RMST: variants seen among roughly 807,000 people sequenced by gnomAD.
The protein encoded by RMST is long intergenic non-protein coding RNA 54.
intron 11 of RMST, among the ~76,000 whole-genome samples, chr12:97,543,315 A>G (rs377464267): frequency 2.8e-4 from 42 of 152,004 alleles, no homozygotes; most frequent in African/African-American, 9.9e-4. Flanking sequence ...GCCATTCTGC[A>G]TTTCTCTACC....
intron 11 of RMST, among the ~76,000 whole-genome samples, chr12:97,545,212 A>G (rs1211885650): frequency 6.6e-6 from 1 of 152,098 alleles, no homozygotes; most frequent in Non-Finnish European, 1.5e-5. Context: ...AACAATCATC[A>G]TCACCATCAT....
intron 10 of RMST, among the ~76,000 whole-genome samples, chr12:97,528,657 G>A (rs953808955): frequency 1.3e-5 from 2 of 152,220 alleles, no homozygotes; most frequent in Admixed American, 6.5e-5. Context: ...AAAGATATAA[G>A]TTTGAATACA....
chr12:97,497,283 G>A (rs1046175542), intron 10 of RMST, among the ~76,000 whole-genome samples: 1 of 152,154 alleles, frequency 6.6e-6, no homozygotes, highest in Non-Finnish European at 1.5e-5. Context: ...CTTTTCAAGG[G>A]CTTGAGGTCC....
intron 5 of RMST, among the ~76,000 whole-genome samples, chr12:97,470,565 C>G (rs1341816548): frequency 3.3e-5 from 5 of 151,920 alleles, no homozygotes; most frequent in Non-Finnish European, 1.5e-5. Flanking sequence ...TTAGAGATAT[C>G]ATTAAGGAAT....
At chr12:97,502,679 G>C (rs546806880) in intron 10 of RMST, among the ~76,000 whole-genome samples, 3 of 152,158 alleles carry the variant, frequency 2.0e-5, no homozygotes, top group African/African-American at 4.8e-5. Context: ...GCCTAGGTTG[G>C]TTTCAAACTT....
At chr12:97,555,598 C>T (rs969496496) in intron 11 of RMST, among the ~76,000 whole-genome samples, 25 of 152,162 alleles carry the variant, frequency 1.6e-4, no homozygotes, top group African/African-American at 5.6e-4. Flanking sequence ...GGGCGAGATT[C>T]GGAATTGTTC....
At chr12:97,524,790 C>T (rs1478632560) in intron 10 of RMST, among the ~76,000 whole-genome samples, 1 of 152,142 alleles carries the variant, frequency 6.6e-6, no homozygotes, top group Non-Finnish European at 1.5e-5. Context: ...TAGGAAGAAA[C>T]TATGACACTT....
At chr12:97,486,400 A>G (rs1037992365) in intron 5 of RMST, among the ~76,000 whole-genome samples, 5 of 152,210 alleles carry the variant, frequency 3.3e-5, no homozygotes, top group African/African-American at 1.2e-4. Context: ...GGTGAGGGCC[A>G]TCTTTGAGGA....
chr12:97,476,423 C>T (rs936061898), intron 5 of RMST, among the ~76,000 whole-genome samples: 2 of 152,128 alleles, frequency 1.3e-5, no homozygotes, highest in East Asian at 1.9e-4. Flanking sequence ...AGCACAGTCC[C>T]TCTGGTTAAG....
At chr12:97,474,894 A>G (rs1239109766) in intron 5 of RMST, among the ~76,000 whole-genome samples, 1 of 152,172 alleles carries the variant, frequency 6.6e-6, no homozygotes, top group Non-Finnish European at 1.5e-5. Context: ...TACTATTAGG[A>G]GACGATACAC....
intron 11 of RMST, among the ~76,000 whole-genome samples, chr12:97,553,580 G>A (rs1254222228): frequency 6.6e-6 from 1 of 152,194 alleles, no homozygotes; most frequent in Non-Finnish European, 1.5e-5. Context: ...TTGTGGTCAT[G>A]CCTCAGTCTA....
chr12:97,555,471 G>A (rs999655413), intron 11 of RMST, among the ~76,000 whole-genome samples: 6 of 152,120 alleles, frequency 3.9e-5, no homozygotes, highest in Non-Finnish European at 5.9e-5. Flanking sequence ...ATATAGTAGA[G>A]GCTAAATAAA....
intron 11 of RMST, chr12:97,532,911 T>A (rs552177654): frequency 7.2e-5 from 11 of 151,808 alleles, no homozygotes; most frequent in Non-Finnish European, 1.3e-4. Context: ...TTAACCCTTC[T>A]GAAATTAAAA....
intron 10 of RMST, among the ~76,000 whole-genome samples, chr12:97,511,294 A>T (rs944528767): frequency 1.3e-5 from 2 of 152,002 alleles, no homozygotes; most frequent in African/African-American, 4.8e-5. Context: ...GACTACAGGC[A>T]CGTGCCACTA....
chr12:97,517,439 C>T (rs1157289085), intron 10 of RMST, among the ~76,000 whole-genome samples: 1 of 151,830 alleles, frequency 6.6e-6, no homozygotes, highest in Non-Finnish European at 1.5e-5. Context: ...AAAGCCCTAT[C>T]TTCACTTCTT....
chr12:97,541,043 A>G (rs1025683556), intron 11 of RMST, among the ~76,000 whole-genome samples: 5 of 151,542 alleles, frequency 3.3e-5, no homozygotes, highest in Non-Finnish European at 5.9e-5. Flanking sequence ...TGTTTTGTAC[A>G]CATATATCAT....
chr12:97,498,134 T>C (rs1877663581), intron 10 of RMST, among the ~76,000 whole-genome samples: 1 of 152,216 alleles, frequency 6.6e-6, no homozygotes, highest in South Asian at 2.1e-4. Context: ...CCATTTTTAA[T>C]TGGAAGCTTT....
At chr12:97,470,345 C>T (rs1344651892) in intron 5 of RMST, among the ~76,000 whole-genome samples, 1 of 151,834 alleles carries the variant, frequency 6.6e-6, no homozygotes, top group African/African-American at 2.4e-5. Flanking sequence ...AGATAGGACC[C>T]GAAGACTAGG....
intron 13 of RMST, among the ~76,000 whole-genome samples, chr12:97,562,119 G>A (rs1333928617): frequency 6.6e-6 from 1 of 152,088 alleles, no homozygotes; most frequent in African/African-American, 2.4e-5. Context: ...CCAACCTTCA[G>A]CAATGTTGGC....
Sources: gnomAD v4.1 joint callset for allele counts (sites outside exome capture counted in the v4.1 genomes callset) on GRCh38, gnomAD v4.1.1 for gene constraint, MANE v1.5 for transcripts, NCBI Gene and HGNC (gene_info 2026-07-23, HGNC 2026-07-21) for gene names.